SKAP1: variants seen among roughly 807,000 people sequenced by gnomAD.
SKAP1 encodes the protein src kinase associated phosphoprotein 1.
Under a neutral mutation model 58.5 loss-of-function variants are expected in SKAP1, and 44 were observed. The ratio of observed to expected loss-of-function variants is 0.75; its 90% confidence interval spans 0.59 to 0.97. The LOEUF is 0.97. SKAP1 is among the 50% of genes least tolerant of loss of function. The pLI, the probability that SKAP1 is intolerant of heterozygous loss-of-function variation, is 0.00. For synonymous variants in SKAP1, 127 were observed against 149.7 expected, an observed-to-expected ratio of 0.85 and a Z score of 1.11; for missense variants, 390 against 435.2, an observed-to-expected ratio of 0.90 and a Z score of 0.92.
chr17:48,197,549 C>G (rs2064654434), intron 4 of SKAP1, among the ~76,000 whole-genome samples: 1 of 152,044 alleles, frequency 6.6e-6, no homozygotes, highest in Non-Finnish European at 1.5e-5. Context: ...ATTAGTCAGG[C>G]ATGGTGGTAT....
At chr17:48,316,787 G>A (rs1418992258) in intron 4 of SKAP1, among the ~76,000 whole-genome samples, 4 of 152,098 alleles carry the variant, frequency 2.6e-5, no homozygotes, top group African/African-American at 9.7e-5. Flanking sequence ...AGACCACCAC[G>A]CTAAGATGAG....
chr17:48,335,118 C>T (rs906286161), intron 4 of SKAP1, among the ~76,000 whole-genome samples: 3 of 151,756 alleles, frequency 2.0e-5, no homozygotes, highest in Admixed American at 1.3e-4. Flanking sequence ...ATATTCAGTA[C>T]TCCCTTTTGA....
chr17:48,381,158 T>C (rs2067209871), intron 2 of SKAP1, among the ~76,000 whole-genome samples: 1 of 152,230 alleles, frequency 6.6e-6, no homozygotes, highest in Non-Finnish European at 1.5e-5. Context: ...TCAGCCCTTG[T>C]GCCAAAGACC....
intron 4 of SKAP1, among the ~76,000 whole-genome samples, chr17:48,201,294 TTCC>T (rs2064724909): frequency 6.6e-6 from 1 of 151,802 alleles, no homozygotes; most frequent in South Asian, 2.1e-4. Flanking sequence ...CTTTCCTTCC[TTCC>T]TTTCTTCGTT....
At chr17:48,264,542 C>A (rs1466978331) in intron 4 of SKAP1, among the ~76,000 whole-genome samples, 2 of 151,982 alleles carry the variant, frequency 1.3e-5, no homozygotes, top group Non-Finnish European at 2.9e-5. Context: ...TTTCAGACAA[C>A]CTATTAATCC....
intron 4 of SKAP1, among the ~76,000 whole-genome samples, chr17:48,337,512 G>A (rs1009828816): frequency 2.6e-5 from 4 of 152,142 alleles, no homozygotes; most frequent in Middle Eastern, 3.4e-3. Context: ...ATGGAATAAG[G>A]ACATTCAATA....
At chr17:48,314,383 G>T (rs1378315470) in intron 4 of SKAP1, among the ~76,000 whole-genome samples, 2 of 152,196 alleles carry the variant, frequency 1.3e-5, no homozygotes, top group Non-Finnish European at 2.9e-5. Context: ...GGAGCTTCTT[G>T]TGTCCTCCCT....
At chr17:48,233,771 G>A (rs994245912) in intron 4 of SKAP1, among the ~76,000 whole-genome samples, 2 of 152,060 alleles carry the variant, frequency 1.3e-5, no homozygotes, top group Non-Finnish European at 2.9e-5. Flanking sequence ...CAGAAGAATT[G>A]CTTGAACCCA....
chr17:48,166,222 A>G (rs923716447), intron 10 of SKAP1, among the ~76,000 whole-genome samples: 21 of 152,222 alleles, frequency 1.4e-4, no homozygotes, highest in African/African-American at 4.8e-4. Flanking sequence ...TCTTTATCCT[A>G]TGTAAGGGAA....
intron 4 of SKAP1, among the ~76,000 whole-genome samples, chr17:48,322,067 T>G (rs1430685257): frequency 6.6e-6 from 1 of 152,258 alleles, no homozygotes; most frequent in African/African-American, 2.4e-5. Flanking sequence ...ATTATCTGCC[T>G]GGCATTATCT....
intron 10 of SKAP1, among the ~76,000 whole-genome samples, chr17:48,167,999 C>T (rs2064161279): frequency 6.6e-6 from 1 of 152,184 alleles, no homozygotes; most frequent in Non-Finnish European, 1.5e-5. Context: ...AACCCTGTTA[C>T]TAACAGTCAT....
chr17:48,359,597 A>G (rs1395575392), intron 3 of SKAP1, among the ~76,000 whole-genome samples: 1 of 151,838 alleles, frequency 6.6e-6, no homozygotes, highest in Non-Finnish European at 1.5e-5. Context: ...CTATATTTTT[A>G]TTTGTTTATT....
At chr17:48,295,605 A>G (rs1598525210) in intron 4 of SKAP1, 1 of 148,462 alleles carries the variant, frequency 6.7e-6, no homozygotes, top group Non-Finnish European at 1.5e-5. Context: ...CTCTCATAGC[A>G]GTGAGTCACT....
the SKAP1 span, among the ~76,000 whole-genome samples, chr17:48,436,421 C>A: frequency 6.6e-6 from 1 of 152,220 alleles, no homozygotes; most frequent in Non-Finnish European, 1.5e-5. Flanking sequence ...CTCCCATTCC[C>A]ACAACATTTT....
At chr17:48,306,297 T>C (rs2144153675) in intron 4 of SKAP1, among the ~76,000 whole-genome samples, 1 of 152,294 alleles carries the variant, frequency 6.6e-6, no homozygotes, top group South Asian at 2.1e-4. Context: ...TTAACTCTTG[T>C]ACATTACCAA....
At chr17:48,177,216 T>C (rs1039005214) in intron 9 of SKAP1, among the ~76,000 whole-genome samples, 2 of 152,160 alleles carry the variant, frequency 1.3e-5, no homozygotes, top group Non-Finnish European at 2.9e-5. Context: ...AATAACCAAC[T>C]GGACTGTCTC....
At chr17:48,312,371 T>G (rs549627130) in intron 4 of SKAP1, among the ~76,000 whole-genome samples, 1 of 152,362 alleles carries the variant, frequency 6.6e-6, no homozygotes, top group Non-Finnish European at 1.5e-5. Context: ...TTCTCTTTCT[T>G]AAAACACTTA....
chr17:48,434,434 A>G (rs370500316), upstream of SKAP1, among the ~76,000 whole-genome samples: 1 of 152,198 alleles, frequency 6.6e-6, no homozygotes, highest in African/African-American at 2.4e-5. Context: ...GTTCTTACCA[A>G]TTAGCTAACT....
rs192397739 is a variant in SKAP1 at position 48,285,398 on chromosome 17, C to T, written c.280+60507G>A. ...TTGGGAGGCCAAGGCGGGTGGATCA[C>T]GAGGTCAGGAGTTGGAGACCAGCCT... On this transcript the variant is annotated intron_variant, in intron 4 of 12. Coordinates refer to ENST00000336915, the MANE Select transcript of SKAP1 (RefSeq NM_003726.4). 3.2e-3 allele frequency among the ~76,000 whole-genome samples: 482 copies of T among 152,232 alleles called. 2 individuals carry two copies. The highest frequency in any genetic ancestry group is 0.011 in the African/African-American group (471 of 41,546).
Sources: gnomAD v4.1 joint callset for allele counts (sites outside exome capture counted in the v4.1 genomes callset) on GRCh38, gnomAD v4.1.1 for gene constraint, MANE v1.5 for transcripts, NCBI Gene and HGNC (gene_info 2026-07-23, HGNC 2026-07-21) for gene names.